Variants in NRG3 observed in about 807,000 individuals in gnomAD.
NRG3 encodes neuregulin 3.
NRG3 carries 31 observed loss-of-function variants against 66.9 expected under a neutral mutation model. That is an observed-to-expected ratio of 0.46 (90% confidence interval 0.35 to 0.63). The LOEUF (loss-of-function observed/expected upper bound fraction) is 0.63, where lower values mean the gene tolerates loss of function less well. Among genes scored for constraint, NRG3 ranks in the 20% least tolerant of loss-of-function variants. The pLI is 0.00. For missense variants in NRG3, 910 were observed against 878.9 expected (o/e 1.04, Z -0.45); for synonymous variants, 393 against 359.4 (o/e 1.09, Z -1.06).
intron 2 of NRG3, among the ~76,000 whole-genome samples, chr10:82,733,337 A>G (rs1211224948): frequency 6.6e-6 from 1 of 152,250 alleles, no homozygotes; most frequent in Non-Finnish European, 1.5e-5. Context: ...TGTATATAAT[A>G]TCAGCTACCT....
chr10:82,686,798 GC>G lies in NRG3; in HGVS notation c.954-51776del, dbSNP rs2054549817. On this transcript the variant is annotated intron_variant, in intron 2 of 8. Coordinates refer to ENST00000372141, the MANE Select transcript of NRG3 (RefSeq NM_001010848.4). ...ATTTCCTTTTCCTCAAAAATTAGAT[GC>G]CCTTTCAACCTGGTTTGACAAAAAT... Among the ~76,000 whole-genome samples, 5 of 152,286 alleles carry G rather than the reference GC, an allele frequency of 3.3e-5. No individual in the cohort carries two copies. The South Asian group carries it at 1.0e-3, about 32-fold the overall frequency.
rs189022106 is a variant in NRG3 at position 82,325,159 on chromosome 10, G to C, written c.824-33580G>C. Among the ~76,000 whole-genome samples, 30 of 151,898 alleles carry C rather than the reference G, an allele frequency of 2.0e-4. No homozygotes were observed. In the East Asian group the frequency reaches 5.2e-3, roughly 26 times the overall value. On this transcript the variant is annotated intron_variant, in intron 1 of 8. Coordinates refer to ENST00000372141, the MANE Select transcript of NRG3 (RefSeq NM_001010848.4). ...TTACCCATCCCTTTATCATTATGTA[G>C]TATCATTACTCTTTTGTTTTCTTTC...
At chr10:82,138,554 T>G (rs1032854218) in intron 1 of NRG3, among the ~76,000 whole-genome samples, 8 of 152,114 alleles carry the variant, frequency 5.3e-5, no homozygotes, top group Non-Finnish European at 1.2e-4. Flanking sequence ...ATAGGATACA[T>G]GTATATATGA....
At chr10:82,509,159 T>C (rs1441292366) in intron 2 of NRG3, among the ~76,000 whole-genome samples, 1 of 152,176 alleles carries the variant, frequency 6.6e-6, no homozygotes, top group Non-Finnish European at 1.5e-5. Flanking sequence ...GTCTTGGTTT[T>C]CACCGTCTAA....
intron 6 of NRG3, among the ~76,000 whole-genome samples, chr10:82,971,056 A>G (rs1851677179): frequency 6.6e-6 from 1 of 152,146 alleles, no homozygotes; most frequent in Admixed American, 6.5e-5. Flanking sequence ...CAGGTGTCAC[A>G]TGGTGAGAGA....
At chr10:82,741,555 C>A (rs2058424730) in intron 3 of NRG3, among the ~76,000 whole-genome samples, 1 of 152,180 alleles carries the variant, frequency 6.6e-6, no homozygotes, top group Non-Finnish European at 1.5e-5. Flanking sequence ...ATGTGCCAGG[C>A]ACTGTGCCAA....
At chr10:82,354,473 C>T (rs1228539886) in intron 1 of NRG3, among the ~76,000 whole-genome samples, 1 of 151,816 alleles carries the variant, frequency 6.6e-6, no homozygotes, top group Non-Finnish European at 1.5e-5. Flanking sequence ...CCGCTGCAAC[C>T]TCCACCTCAT....
At chr10:82,009,939 T>G (rs12358407) in intron 1 of NRG3, among the ~76,000 whole-genome samples, 26,868 of 152,178 alleles carry the variant, frequency 0.18, 2,549 homozygotes, top group Middle Eastern at 0.22. Flanking sequence ...TGCTTTTCTT[T>G]GACATTTTTC....
intron 4 of NRG3, among the ~76,000 whole-genome samples, chr10:82,940,837 T>G (rs1848520088): frequency 6.6e-6 from 1 of 152,082 alleles, no homozygotes; most frequent in African/African-American, 2.4e-5. Context: ...CCCCACCTCT[T>G]AATATGATTC....
At chr10:82,319,396 T>C (rs1329707912) in intron 1 of NRG3, among the ~76,000 whole-genome samples, 1 of 152,258 alleles carries the variant, frequency 6.6e-6, no homozygotes, top group Non-Finnish European at 1.5e-5. Context: ...GTTGTATGCA[T>C]AATTTAACTT....
intron 1 of NRG3, among the ~76,000 whole-genome samples, chr10:81,895,313 A>C (rs1843413580): frequency 6.6e-6 from 1 of 152,092 alleles, no homozygotes; most frequent in African/African-American, 2.4e-5. Flanking sequence ...CCATTAAAAA[A>C]CCTTGAAAAT....
At position 82,590,103 on chromosome 10, in the gene NRG3, C is replaced by T. The variant is rs73311995; in HGVS notation, c.954-148474C>T. Among the ~76,000 whole-genome samples the T allele has an allele frequency of 8.6e-3, 1,302 of 152,168 alleles. 18 individuals are homozygous for T. The highest frequency in any genetic ancestry group is 0.03 in the African/African-American group (1,244 of 41,532). ...TCTGAAGGAGTCTTGCTGTATCTAC[C>T]ATCTGATTGAATTTGATGTCCCAAT... On this transcript the variant is annotated intron_variant, in intron 2 of 8. Coordinates refer to ENST00000372141, the MANE Select transcript of NRG3 (RefSeq NM_001010848.4).
chr10:82,518,094 T>G (rs1845867100), intron 2 of NRG3, among the ~76,000 whole-genome samples: 1 of 152,162 alleles, frequency 6.6e-6, no homozygotes, highest in Non-Finnish European at 1.5e-5. Context: ...ACTGTTGACA[T>G]AGGACATGTT....
chr10:81,990,634 A>G (rs541381231), intron 1 of NRG3, among the ~76,000 whole-genome samples: 1 of 152,286 alleles, frequency 6.6e-6, no homozygotes, highest in South Asian at 2.1e-4. Context: ...TTTCAGATGT[A>G]TGTTAATGAC....
chr10:82,124,553 C>A (rs561190677), intron 1 of NRG3, among the ~76,000 whole-genome samples: 1 of 151,534 alleles, frequency 6.6e-6, no homozygotes, highest in Non-Finnish European at 1.5e-5. Flanking sequence ...CGTCACACAA[C>A]GGGGCCTGTC....
intron 4 of NRG3, among the ~76,000 whole-genome samples, chr10:82,914,212 C>T (rs1845612019): frequency 6.6e-6 from 1 of 151,822 alleles, no homozygotes; most frequent in Admixed American, 6.6e-5. Flanking sequence ...TGTACTTTTT[C>T]ATTAGATCCT....
chr10:81,927,563 A>G (rs1846926097), intron 1 of NRG3, among the ~76,000 whole-genome samples: 1 of 152,222 alleles, frequency 6.6e-6, no homozygotes, highest in Admixed American at 6.5e-5. Flanking sequence ...ATATTTATTT[A>G]CTTAGTCATT....
At position 82,304,057 on chromosome 10, in the gene NRG3, G is replaced by A. The variant is rs982396877; in HGVS notation, c.824-54682G>A. Among the ~76,000 whole-genome samples, 6 of 151,962 alleles carry A rather than the reference G, an allele frequency of 3.9e-5. No homozygotes were observed. In the South Asian group the frequency reaches 8.3e-4, roughly 21 times the overall value. On this transcript the variant is annotated intron_variant, in intron 1 of 8. Transcript: ENST00000372141. ...AAGTAGAATTGGGGTATAAGAGTGT[G>A]GGTTTGTATATTTTTATTAGATAGT...
At chr10:82,219,360 G>A (rs1347320634) in intron 1 of NRG3, among the ~76,000 whole-genome samples, 3 of 150,432 alleles carry the variant, frequency 2.0e-5, no homozygotes, top group African/African-American at 7.4e-5. Flanking sequence ...TCTGGGGGGC[G>A]TAGTCATCCA....
Sources: gnomAD v4.1 joint callset for allele counts (sites outside exome capture counted in the v4.1 genomes callset) on GRCh38, gnomAD v4.1.1 for gene constraint, MANE v1.5 for transcripts, NCBI Gene and HGNC (gene_info 2026-07-23, HGNC 2026-07-21) for gene names.